TUSC3: variants seen among roughly 807,000 people sequenced by gnomAD.
The protein encoded by TUSC3 is dolichyl-diphosphooligosaccharide--protein glycosyltransferase subunit TUSC3.
In TUSC3, 45 loss-of-function variants were observed where a neutral mutation model predicts 44.8. That is an observed-to-expected ratio of 1.00 (90% confidence interval 0.79 to 1.29). TUSC3 has a LOEUF of 1.29. Ranked by LOEUF, TUSC3 falls within the 50% of genes most tolerant of loss-of-function variation. The pLI is 0.00. For missense variants in TUSC3, 519 were observed against 437.9 expected, an observed-to-expected ratio of 1.19 and a Z score of -1.65; for synonymous variants, 212 against 152.9, an observed-to-expected ratio of 1.39 and a Z score of -2.85.
Position 15,519,159 on chromosome 8 carries a change from T to C in TUSC3, n.189+35676T>C, listed in dbSNP as rs144739869. Among the ~76,000 whole-genome samples the C allele has an allele frequency of 4.2e-3, 635 of 152,302 alleles. 5 individuals carry two copies. The highest frequency in any genetic ancestry group is 0.014 in the African/African-American group (600 of 41,564). On this transcript the variant is annotated intron_variant and non_coding_transcript_variant, in intron 2 of 5. Transcript: ENST00000503191. ...ATTTTTTAATTAAATTGTTGAAGGA[T>C]GATGGAGAAGTCATGATTTTGAGAA...
intron 1 of TUSC3, among the ~76,000 whole-genome samples, chr8:15,460,259 C>T (rs930608982): frequency 6.6e-6 from 1 of 151,878 alleles, no homozygotes; most frequent in Non-Finnish European, 1.5e-5. Flanking sequence ...ATCGCATTGT[C>T]GTTTTGATTT....
intron 1 of TUSC3, among the ~76,000 whole-genome samples, chr8:15,596,735 A>C (rs1804086808): frequency 6.6e-6 from 1 of 152,084 alleles, no homozygotes; most frequent in Admixed American, 6.6e-5. Context: ...GGGTATTCAG[A>C]GAATTTATGT....
chr8:15,427,029 TAA>T (rs1308146682), intron 1 of TUSC3, among the ~76,000 whole-genome samples: 5 of 152,092 alleles, frequency 3.3e-5, no homozygotes, highest in Non-Finnish European at 7.4e-5. Context: ...AAGAAATGTT[TAA>T]GTCTTTTACC....
chr8:15,816,167 A>G, the TUSC3 span, among the ~76,000 whole-genome samples: 4 of 152,304 alleles, frequency 2.6e-5, no homozygotes, highest in South Asian at 2.1e-4. Context: ...AGGAGCTTCT[A>G]TAAGGCTCTG....
intron 7 of TUSC3, among the ~76,000 whole-genome samples, chr8:15,731,002 A>AT (rs1679442365): frequency 6.6e-6 from 1 of 151,900 alleles, no homozygotes; most frequent in South Asian, 2.1e-4. Flanking sequence ...CTCTGGCTAG[A>AT]TTTTTTCAAG....
intron 1 of TUSC3, among the ~76,000 whole-genome samples, chr8:15,473,379 A>G (rs1800522341): frequency 6.6e-6 from 1 of 152,228 alleles, no homozygotes; most frequent in Non-Finnish European, 1.5e-5. Context: ...CTAGTAGAAT[A>G]CATGTCACTT....
intron 6 of TUSC3, among the ~76,000 whole-genome samples, chr8:15,699,303 A>G (rs1168576626): frequency 6.6e-6 from 1 of 152,182 alleles, no homozygotes; most frequent in African/African-American, 2.4e-5. Context: ...CATTTTAGAA[A>G]AAGTGTTTTT....
At chr8:15,773,061 CT>C in the TUSC3 span, among the ~76,000 whole-genome samples, 1 of 141,556 alleles carries the variant, frequency 7.1e-6, no homozygotes, top group East Asian at 2.1e-4. Flanking sequence ...AACTTTCCCC[CT>C]GAAATCAGGG....
chr8:15,774,823 T>A, the TUSC3 span, among the ~76,000 whole-genome samples: 33 of 152,154 alleles, frequency 2.2e-4, no homozygotes, highest in South Asian at 1.0e-3. Context: ...ATTTTTTTTT[T>A]AAAGGAAAAT....
chr8:15,477,100 CA>C (rs1234709860), intron 1 of TUSC3, among the ~76,000 whole-genome samples: 1 of 152,158 alleles, frequency 6.6e-6, no homozygotes, highest in Non-Finnish European at 1.5e-5. Flanking sequence ...AAGTAGTCTT[CA>C]GTCCTTTTGT....
At chr8:15,646,774 AT>A (rs1806651614) in intron 2 of TUSC3, among the ~76,000 whole-genome samples, 1 of 151,952 alleles carries the variant, frequency 6.6e-6, no homozygotes, top group Non-Finnish European at 1.5e-5. Flanking sequence ...CTGCTTTGTA[AT>A]TTTTTTCTTC....
the TUSC3 span, among the ~76,000 whole-genome samples, chr8:15,835,052 A>G: frequency 6.6e-6 from 1 of 152,296 alleles, no homozygotes; most frequent in East Asian, 1.9e-4. Flanking sequence ...CAACATTGTT[A>G]CTTTCCTTTC....
intron 5 of TUSC3, among the ~76,000 whole-genome samples, chr8:15,664,184 G>C (rs369256220): frequency 1.3e-4 from 20 of 151,762 alleles, no homozygotes; most frequent in African/African-American, 4.8e-4. Context: ...TCAACTTGTA[G>C]AAGCTTACAA....
chr8:15,823,168 G>A, the TUSC3 span, among the ~76,000 whole-genome samples: 1 of 152,164 alleles, frequency 6.6e-6, no homozygotes, highest in South Asian at 2.1e-4. Flanking sequence ...ACCTGTACCA[G>A]TTCCTCTGAT....
intron 2 of TUSC3, among the ~76,000 whole-genome samples, chr8:15,501,413 C>G (rs1208391211): frequency 1.4e-4 from 21 of 152,174 alleles, no homozygotes; most frequent in Admixed American, 1.4e-3. Context: ...CAAAACTTGA[C>G]ACATGTTGAT....
chr8:15,792,741 G>A, the TUSC3 span, among the ~76,000 whole-genome samples: 4 of 151,818 alleles, frequency 2.6e-5, no homozygotes, highest in South Asian at 2.1e-4. Flanking sequence ...TCAGCTCCTC[G>A]AGTAGCTGGG....
At chr8:15,497,845 A>G (rs1238006131) in intron 2 of TUSC3, among the ~76,000 whole-genome samples, 1 of 151,690 alleles carries the variant, frequency 6.6e-6, no homozygotes, top group Non-Finnish European at 1.5e-5. Context: ...CCCGGGTTCA[A>G]GTGATTCTCC....
chr8:15,532,284 G>C (rs1463264753), intron 2 of TUSC3, among the ~76,000 whole-genome samples: 2 of 152,154 alleles, frequency 1.3e-5, no homozygotes, highest in East Asian at 3.9e-4. Flanking sequence ...TGAACACTGG[G>C]AATAACTAGC....
At chr8:15,515,300 A>G (rs553307154) in intron 2 of TUSC3, among the ~76,000 whole-genome samples, 7 of 152,296 alleles carry the variant, frequency 4.6e-5, no homozygotes, top group African/African-American at 1.4e-4. Flanking sequence ...AGATTCAGTG[A>G]CACAACAATA....
Sources: gnomAD v4.1 joint callset for allele counts (sites outside exome capture counted in the v4.1 genomes callset) on GRCh38, gnomAD v4.1.1 for gene constraint, MANE v1.5 for transcripts, NCBI Gene and HGNC (gene_info 2026-07-23, HGNC 2026-07-21) for gene names.